The following CACNA1B variants were observed in gnomAD, a reference collection of about 807,000 sequenced individuals.
CACNA1B encodes calcium voltage-gated channel subunit alpha1 B.
Under a neutral mutation model 247.2 loss-of-function variants are expected in CACNA1B, and 70 were observed. That is an observed-to-expected ratio of 0.28 (90% CI 0.23 to 0.35). The LOEUF is 0.35. CACNA1B is among the 10% of genes least tolerant of loss of function. The probability of loss-of-function intolerance (pLI) is 1.00; values close to 1 mark genes in which losing one functional copy is unlikely to be tolerated. For synonymous variants in CACNA1B, 1,231 were observed against 1,294.4 expected (o/e 0.95, Z 1.05); for missense variants, 2,367 against 3,197.4 (o/e 0.74, Z 6.26).
At position 137,971,443 on chromosome 9, in the gene CACNA1B, G is replaced by C. The variant is rs200510570; in HGVS notation, c.1394G>C (p.Arg465Pro). ...SGKTESSSYF[R>P]RKEKMFRFFI... ...AAGACAGAGAGCTCGTCATACTTCC[G>C]GAGGAAGGAGAAGATGTTCCGGTTT... The change falls in exon 11 of 47, where the codon CGG (arginine) becomes CCG (proline). Residue 465 changes from arginine (R) to proline (P), a missense_variant. Around this residue, in one of 12 missense-constraint regions of CACNA1B, gnomAD observed 219 missense variants for 297.6 expected, o/e 0.74. Coordinates refer to ENST00000371372, the MANE Select transcript of CACNA1B (RefSeq NM_000718.4). The surrounding 1 kb of genome is among the most constrained non-coding windows in gnomAD (Gnocchi z 4.4). 6.2e-7 allele frequency: 1 copy of C among 1,613,532 alleles called. No individual in the cohort carries two copies. Among genetic ancestry groups the C allele is most frequent in the Admixed American group, 1.7e-5 (1 of 59,976 alleles).
chr9:137,938,403 C>T (rs1264823035), intron 6 of CACNA1B, among the ~76,000 whole-genome samples: 1 of 152,102 alleles, frequency 6.6e-6, no homozygotes, highest in Non-Finnish European at 1.5e-5. Flanking sequence ...AGAATAGTAT[C>T]TCACATCTCA....
At chr9:137,944,946 A>G (rs769803511) in intron 6 of CACNA1B, among the ~76,000 whole-genome samples, 5 of 152,170 alleles carry the variant, frequency 3.3e-5, no homozygotes, top group Non-Finnish European at 5.9e-5. Flanking sequence ...GGGGTCATCT[A>G]CAATATCTAG....
At position 138,012,847 on chromosome 9, in the gene CACNA1B, C is replaced by T. The variant is rs1020257554; in HGVS notation, c.2161-282C>T. Among the ~76,000 whole-genome samples, 14 of 152,050 alleles carry T rather than the reference C, an allele frequency of 9.2e-5. No homozygotes were observed. Among genetic ancestry groups the T allele is most frequent in the Middle Eastern group, 6.8e-3 (2 of 294 alleles). On this transcript the variant is annotated intron_variant, in intron 17 of 46. Transcript: ENST00000371372. This position sits in a 1 kb window ranked among gnomAD's most constrained non-coding sequence, Gnocchi z 4.2. ...GGTGAGGCCGTCGCCTCCAGGGAGACGGCACAAGCAAGAGGGCACTGAGGA... is the reference window on the plus strand; with the variant it reads ...GGTGAGGCCGTCGCCTCCAGGGAGATGGCACAAGCAAGAGGGCACTGAGGA...
intron 6 of CACNA1B, among the ~76,000 whole-genome samples, chr9:137,947,426 T>C (rs7850056): frequency 2.0e-5 from 3 of 152,070 alleles, no homozygotes; most frequent in Non-Finnish European, 4.4e-5. Context: ...CTCCAGACCC[T>C]ATTCTTCTGC....
intron 31 of CACNA1B, among the ~76,000 whole-genome samples, chr9:138,062,860 G>A (rs1040659741): frequency 7.9e-5 from 12 of 152,326 alleles, no homozygotes; most frequent in African/African-American, 2.6e-4. Flanking sequence ...GCATGGCAGC[G>A]TCTTGAGTCA....
chr9:137,925,661 A>G (rs567480864), intron 6 of CACNA1B, among the ~76,000 whole-genome samples: 1 of 151,840 alleles, frequency 6.6e-6, no homozygotes, highest in South Asian at 2.1e-4. Flanking sequence ...CAATTTGCAA[A>G]CAGAAACAGT....
intron 38 of CACNA1B, among the ~76,000 whole-genome samples, chr9:138,105,487 G>A (rs1199555173): frequency 6.6e-6 from 1 of 152,190 alleles, no homozygotes; most frequent in Non-Finnish European, 1.5e-5. Context: ...CAGCCAGGAG[G>A]GTCCTCAGCT....
chr9:138,072,311 C>T lies in CACNA1B; in HGVS notation c.4675-1177C>T, dbSNP rs908490514. Among the ~76,000 whole-genome samples, 4 of 152,226 alleles carry T rather than the reference C, an allele frequency of 2.6e-5. No homozygotes were observed. Among genetic ancestry groups the T allele is most frequent in the Non-Finnish European group, 2.9e-5 (2 of 68,038 alleles). On this transcript the variant is annotated intron_variant, in intron 32 of 46. Coordinates refer to ENST00000371372, the MANE Select transcript of CACNA1B (RefSeq NM_000718.4). This position sits in a 1 kb window ranked among gnomAD's most constrained non-coding sequence, Gnocchi z 4.5. ...GACCTAGGCAGAGGTGTCCTCAGTACGGGTTGGGCCACTGTCCCTGGAAGG... is the reference window on the plus strand; with the variant it reads ...GACCTAGGCAGAGGTGTCCTCAGTATGGGTTGGGCCACTGTCCCTGGAAGG...
chr9:138,041,680 T>A lies in CACNA1B; in HGVS notation c.3287-2094T>A, dbSNP rs552848522. 2.6e-5 allele frequency among the ~76,000 whole-genome samples: 4 copies of A among 152,306 alleles called. No homozygotes were observed. The South Asian group carries it at 6.2e-4, about 24-fold the overall frequency. ...TTCCATCCGAGCCCTGGCATCTTTG[T>A]CCTGTTTATTTCGAGCAGCAGAAGT... On this transcript the variant is annotated intron_variant, in intron 20 of 46. Transcript: ENST00000371372.
intron 20 of CACNA1B, among the ~76,000 whole-genome samples, chr9:138,041,596 A>G (rs1959123566): frequency 6.6e-6 from 1 of 151,654 alleles, no homozygotes. Flanking sequence ...TTTTTTTCCT[A>G]TGATTGATGA....
chr9:138,062,779 C>T (rs1408834031), intron 31 of CACNA1B, among the ~76,000 whole-genome samples: 1 of 152,236 alleles, frequency 6.6e-6, no homozygotes, highest in Non-Finnish European at 1.5e-5. Context: ...TTTTGTGGCC[C>T]AAGTGGCAGG....
intron 10 of CACNA1B, among the ~76,000 whole-genome samples, chr9:137,960,496 C>T (rs1451343030): frequency 6.4e-5 from 5 of 78,582 alleles, no homozygotes; most frequent in African/African-American, 1.0e-4. Flanking sequence ...TGCGAGACGC[C>T]GCCAGGGAGG....
Position 137,884,204 on chromosome 9 carries a change from T to C in CACNA1B, c.530+1321T>C, listed in dbSNP as rs527331347. Among the ~76,000 whole-genome samples the C allele has an allele frequency of 3.1e-3, 470 of 152,284 alleles. 1 individual carries two copies. The highest frequency in any genetic ancestry group is 0.024 in the Middle Eastern group (7 of 294). ...ATGGAAGGCTCAGCCCCCAGAGCTG[T>C]CTGGGCTTGGGAGTGTCACACAGAA... is the stretch of plus-strand genomic sequence containing the variant. On this transcript the variant is annotated intron_variant, in intron 3 of 46. Coordinates refer to ENST00000371372, the MANE Select transcript of CACNA1B (RefSeq NM_000718.4).
chr9:138,043,859 C>G lies in CACNA1B; in HGVS notation c.3372C>G (p.Ile1124Met). ...DDVMRSGPRP[I>M]VPYSSMFCLS... ...TGATGAGGAGCGGCCCCCGGCCTAT[C>G]GTCCCATACAGCTCCATGTTCTGTT... Residue 1124 changes from isoleucine to methionine, a missense_variant, in exon 21 of 47, where the codon ATC becomes ATG. Around this residue, in one of 12 missense-constraint regions of CACNA1B, gnomAD observed 631 missense variants for 631.1 expected, o/e 1.00. Coordinates refer to ENST00000371372, the MANE Select transcript of CACNA1B (RefSeq NM_000718.4). 2 of 1,614,022 alleles carry G rather than the reference C, an allele frequency of 1.2e-6. No individual in the cohort carries two copies. The highest frequency in any genetic ancestry group is 1.7e-5 in the Admixed American group (1 of 60,030).
At chr9:138,017,172 C>A (rs1211265340) in intron 18 of CACNA1B, 1 of 519,078 alleles carries the variant, frequency 1.9e-6, no homozygotes, top group East Asian at 5.4e-5. Flanking sequence ...CTGTATCTCG[C>A]AGCTCATCTG....
chr9:138,122,671 A>C lies in CACNA1B; in HGVS notation c.*672A>C, dbSNP rs1962142100. Reference sequence around the variant, plus strand: ...CAGAAAAATGGGGAAGGAAATGTTCACATAACTTTAAAAAATCAAACCTGT... The same window carrying C: ...CAGAAAAATGGGGAAGGAAATGTTCCCATAACTTTAAAAAATCAAACCTGT... On this transcript the variant is annotated 3_prime_UTR_variant, in exon 47 of 47. Transcript: ENST00000371372. 6.6e-6 allele frequency: 1 copy of C among 152,326 alleles called. No homozygotes were observed. The highest frequency in any genetic ancestry group is 6.5e-5 in the Admixed American group (1 of 15,294). 9.4% of individuals were successfully genotyped at this position (152,326 alleles called of 1,614,324 possible).
chr9:138,020,237 C>A lies in CACNA1B; in HGVS notation c.2268-2774C>A, dbSNP rs1338982940. Among the ~76,000 whole-genome samples, 1 of 152,158 alleles carries A rather than the reference C, an allele frequency of 6.6e-6. No homozygotes were observed. The highest frequency in any genetic ancestry group is 2.4e-5 in the African/African-American group (1 of 41,430). Reference sequence around the variant, plus strand: ...CCACAGAGCGCCTTGAGGCCACTTCCAAGTCCTGTAGTTCCCCACAGCACC... The same window carrying A: ...CCACAGAGCGCCTTGAGGCCACTTCAAAGTCCTGTAGTTCCCCACAGCACC... On this transcript the variant is annotated intron_variant, in intron 18 of 46. Coordinates refer to ENST00000371372, the MANE Select transcript of CACNA1B (RefSeq NM_000718.4). The surrounding 1 kb of genome is among the most constrained non-coding windows in gnomAD (Gnocchi z 4.1).
chr9:138,112,496 C>A lies in CACNA1B; in HGVS notation c.5527C>A (p.Pro1843Thr). ...GAAGACTTTGGACTTGCTGGTACCA[C>A]CCCATAAGCGTAAGTGTGAGGGTGA... is the stretch of plus-strand genomic sequence containing the variant. ...PQKTLDLLVP[P>T]HKPDEMTVGK... The change falls in exon 40 of 47, where the codon CCC becomes ACC. Residue 1843 changes from proline (P) to threonine (T), a missense_variant. Around this residue, in one of 12 missense-constraint regions of CACNA1B, gnomAD observed 773 missense variants for 779.4 expected, o/e 0.99. Coordinates refer to ENST00000371372, the MANE Select transcript of CACNA1B (RefSeq NM_000718.4). The A allele has an allele frequency of 1.2e-6, 2 of 1,602,654 alleles. No homozygotes were observed. Among genetic ancestry groups the A allele is most frequent in the Non-Finnish European group, 1.7e-6 (2 of 1,169,652 alleles).
chr9:138,036,424 C>A (rs1042264785), intron 20 of CACNA1B, among the ~76,000 whole-genome samples: 1 of 152,232 alleles, frequency 6.6e-6, no homozygotes, highest in African/African-American at 2.4e-5. Flanking sequence ...CAGGCGTGAG[C>A]CACCGCTCCC....
Sources: allele counts gnomAD v4.1 joint callset (sites outside exome capture counted in the v4.1 genomes callset), GRCh38; gene constraint gnomAD v4.1.1; regional missense constraint gnomAD v4.1.1; non-coding constraint Gnocchi (gnomAD v3.1); transcripts MANE v1.5; gene names NCBI Gene and HGNC (gene_info 2026-07-23, HGNC 2026-07-21).